ZHX2: variants seen among roughly 807,000 people sequenced by gnomAD.
The protein encoded by ZHX2 is zinc fingers and homeoboxes 2.
In ZHX2, 6 loss-of-function variants were observed where a neutral mutation model predicts 21.9. The observed-to-expected ratio is 0.27, with a 90% CI of 0.15 to 0.54. The LOEUF (loss-of-function observed/expected upper bound fraction) is 0.54. Among genes scored for constraint, ZHX2 ranks in the 20% least tolerant of loss-of-function variants. The probability of loss-of-function intolerance (pLI) is 0.95; values close to 1 mark genes in which losing one functional copy is unlikely to be tolerated. For missense variants in ZHX2, 908 were observed against 1,090.7 expected (o/e 0.83, Z 2.36); for synonymous variants, 434 against 437.1 (o/e 0.99, Z 0.09).
chr8:122,907,200 AG>A (rs1586377972), intron 2 of ZHX2, among the ~76,000 whole-genome samples: 1 of 152,188 alleles, frequency 6.6e-6, no homozygotes, highest in Non-Finnish European at 1.5e-5. Flanking sequence ...ACCTTTTGAC[AG>A]CCTCAGGAAG....
intron 1 of ZHX2, among the ~76,000 whole-genome samples, chr8:122,817,576 A>G (rs1818062894): frequency 6.6e-6 from 1 of 152,228 alleles, no homozygotes; most frequent in African/African-American, 2.4e-5. Flanking sequence ...AAAGGTTTGA[A>G]CTGAAGTCTT....
chr8:122,923,502 T>C (rs1272522075), intron 2 of ZHX2, among the ~76,000 whole-genome samples: 16 of 152,220 alleles, frequency 1.1e-4, no homozygotes, highest in Non-Finnish European at 2.4e-4. Context: ...CATATTATAC[T>C]GGTCAAAGCA....
chr8:122,833,227 G>A (rs555992153), intron 1 of ZHX2, among the ~76,000 whole-genome samples: 1 of 152,316 alleles, frequency 6.6e-6, no homozygotes, highest in Non-Finnish European at 1.5e-5. Flanking sequence ...TGGACATACC[G>A]GGAGTACAGC....
chr8:122,848,925 T>C (rs1367094149), intron 1 of ZHX2, among the ~76,000 whole-genome samples: 1 of 152,134 alleles, frequency 6.6e-6, no homozygotes, highest in Non-Finnish European at 1.5e-5. Flanking sequence ...CCTGAGTGAT[T>C]GTGATGAGTG....
intron 1 of ZHX2, among the ~76,000 whole-genome samples, chr8:122,840,977 G>A (rs139417083): frequency 5.2e-4 from 79 of 152,270 alleles, no homozygotes; most frequent in African/African-American, 1.8e-3. Context: ...GCATGCCTCC[G>A]TTCATCCTCC....
chr8:122,883,659 T>C (rs1819768291), intron 2 of ZHX2, among the ~76,000 whole-genome samples: 1 of 152,262 alleles, frequency 6.6e-6, no homozygotes, highest in Non-Finnish European at 1.5e-5. Context: ...AGCATAGTTT[T>C]ACATGTCACA....
chr8:122,849,089 C>G (rs1818825426), intron 1 of ZHX2, among the ~76,000 whole-genome samples: 1 of 152,226 alleles, frequency 6.6e-6, no homozygotes, highest in Non-Finnish European at 1.5e-5. Context: ...GATGGCCAGG[C>G]AGGGACCTTT....
chr8:122,945,117 C>T (rs1452169768), intron 2 of ZHX2, among the ~76,000 whole-genome samples: 1 of 152,122 alleles, frequency 6.6e-6, no homozygotes, highest in African/African-American at 2.4e-5. Context: ...AGAATAAATT[C>T]CTGTTGTCTA....
At chr8:122,827,169 G>A (rs1259152602) in intron 1 of ZHX2, among the ~76,000 whole-genome samples, 1 of 151,960 alleles carries the variant, frequency 6.6e-6, no homozygotes, top group African/African-American at 2.4e-5. Context: ...ACAAGTTTGC[G>A]CCACCATGCC....
At chr8:122,897,087 C>T (rs766892129) in intron 2 of ZHX2, among the ~76,000 whole-genome samples, 2 of 152,104 alleles carry the variant, frequency 1.3e-5, no homozygotes, top group Admixed American at 6.5e-5. Flanking sequence ...CTTGATAGAC[C>T]CTTGGTGTCT....
At chr8:122,788,303 A>G (rs1237658939) in intron 1 of ZHX2, among the ~76,000 whole-genome samples, 1 of 152,240 alleles carries the variant, frequency 6.6e-6, no homozygotes, top group Non-Finnish European at 1.5e-5. Flanking sequence ...CACGCCTGTA[A>G]TCCCAGCACT....
At chr8:122,908,948 T>C (rs946357471) in intron 2 of ZHX2, among the ~76,000 whole-genome samples, 4 of 152,212 alleles carry the variant, frequency 2.6e-5, no homozygotes, top group African/African-American at 7.2e-5. Flanking sequence ...CTTTTCAAGT[T>C]TCCCTTGTGA....
At chr8:122,826,211 T>C (rs1818262555) in intron 1 of ZHX2, among the ~76,000 whole-genome samples, 1 of 152,202 alleles carries the variant, frequency 6.6e-6, no homozygotes, top group Admixed American at 6.5e-5. Flanking sequence ...TATTAGCATA[T>C]TTTGCATTTA....
intron 2 of ZHX2, among the ~76,000 whole-genome samples, chr8:122,931,408 G>A (rs1248538482): frequency 6.6e-6 from 1 of 152,224 alleles, no homozygotes; most frequent in African/African-American, 2.4e-5. Context: ...GGAAAGAAGA[G>A]AGAGAGAGAG....
At chr8:122,965,410 G>A (rs1198052737) in intron 3 of ZHX2, among the ~76,000 whole-genome samples, 1 of 151,948 alleles carries the variant, frequency 6.6e-6, no homozygotes. Flanking sequence ...GTTGACCCAA[G>A]GATCATTCAA....
chr8:122,947,122 C>T lies in ZHX2; in HGVS notation c.-219-4170C>T, dbSNP rs781334305. ...AAAAAAAAAAAAAAAAAAAATTAGT[C>T]AGGCATGGTGGCTTATGCGTGTGGT... On this transcript the variant is annotated intron_variant, in intron 2 of 3. Transcript: ENST00000314393. Among the ~76,000 whole-genome samples, 265 of 135,558 alleles carry T rather than the reference C, an allele frequency of 2.0e-3. 1 individual carries two copies. The highest frequency in any genetic ancestry group is 3.4e-3 in the Non-Finnish European group (212 of 62,018). The allele number at this position is 135,558 out of a possible 152,430, so 88.9% of individuals were successfully genotyped here.
intron 1 of ZHX2, among the ~76,000 whole-genome samples, chr8:122,831,706 C>T (rs984264193): frequency 2.6e-5 from 4 of 152,252 alleles, no homozygotes; most frequent in South Asian, 4.1e-4. Context: ...CAACTTTTTG[C>T]GGGAGCCTGG....
chr8:122,851,293 T>A (rs1306738697), intron 1 of ZHX2, among the ~76,000 whole-genome samples: 1 of 152,204 alleles, frequency 6.6e-6, no homozygotes, highest in African/African-American at 2.4e-5. Flanking sequence ...TACTATTTAC[T>A]AAGCTGTGGA....
At chr8:122,821,945 T>C (rs1223626406) in intron 1 of ZHX2, among the ~76,000 whole-genome samples, 2 of 152,060 alleles carry the variant, frequency 1.3e-5, no homozygotes, top group Non-Finnish European at 2.9e-5. Context: ...CTTCAGGTGA[T>C]CCACCCTCCT....
Sources: gnomAD v4.1 joint callset for allele counts (sites outside exome capture counted in the v4.1 genomes callset) on GRCh38, gnomAD v4.1.1 for gene constraint, MANE v1.5 for transcripts, NCBI Gene and HGNC (gene_info 2026-07-23, HGNC 2026-07-21) for gene names.